Variants in RORA observed in about 807,000 individuals in gnomAD.
RORA encodes RAR related orphan receptor A.
Under a neutral mutation model 69.5 loss-of-function variants are expected in RORA, and 7 were observed. That is an observed-to-expected ratio of 0.10 (90% CI 0.06 to 0.19). The LOEUF (loss-of-function observed/expected upper bound fraction) is 0.19, where lower values mean the gene tolerates loss of function less well. RORA is among the 10% of genes least tolerant of loss of function. The pLI is 1.00. For missense variants in RORA, 457 were observed against 663.0 expected (o/e 0.69, Z 3.41); for synonymous variants, 261 against 240.8 (o/e 1.08, Z -0.78).
intron 1 of RORA, among the ~76,000 whole-genome samples, chr15:61,201,908 C>A (rs1401336207): frequency 6.6e-6 from 1 of 151,570 alleles, no homozygotes; most frequent in Non-Finnish European, 1.5e-5. Context: ...CATAACATTA[C>A]AAGCGAAATC....
chr15:60,936,040 G>GT (rs1228575314), intron 1 of RORA, among the ~76,000 whole-genome samples: 3 of 152,200 alleles, frequency 2.0e-5, no homozygotes, highest in African/African-American at 7.2e-5. Flanking sequence ...CGGCCCTACA[G>GT]TTACTCAGCC....
chr15:60,889,350 CGGGGGGG>C (rs3985706), intron 1 of RORA, among the ~76,000 whole-genome samples: 3 of 136,288 alleles, frequency 2.2e-5, no homozygotes, highest in Non-Finnish European at 3.3e-5. Flanking sequence ...GGGAGTGGGG[CGGGGGGG>C]GGGGGAAGGA....
chr15:60,636,664 T>A (rs551882410), intron 2 of RORA, among the ~76,000 whole-genome samples: 58 of 152,282 alleles, frequency 3.8e-4, no homozygotes, highest in African/African-American at 1.4e-3. Flanking sequence ...AATACATATA[T>A]ACCTGGTAGA....
At chr15:60,576,688 C>T (rs2068036077) in intron 2 of RORA, among the ~76,000 whole-genome samples, 1 of 152,196 alleles carries the variant, frequency 6.6e-6, no homozygotes, top group Non-Finnish European at 1.5e-5. Context: ...GCTATCTGGG[C>T]AGAACTCTTC....
chr15:60,802,008 T>G (rs2072589347), intron 1 of RORA, among the ~76,000 whole-genome samples: 1 of 152,216 alleles, frequency 6.6e-6, no homozygotes, highest in Non-Finnish European at 1.5e-5. Flanking sequence ...GAGAGGGTTG[T>G]GGCTGGCTCC....
At chr15:60,861,243 C>T (rs1240710665) in intron 1 of RORA, among the ~76,000 whole-genome samples, 1 of 152,110 alleles carries the variant, frequency 6.6e-6, no homozygotes, top group East Asian at 1.9e-4. Flanking sequence ...GGAGAGGTGG[C>T]TTAATGTCAA....
intron 2 of RORA, among the ~76,000 whole-genome samples, chr15:60,620,486 A>G (rs2069375486): frequency 6.6e-6 from 1 of 152,240 alleles, no homozygotes; most frequent in African/African-American, 2.4e-5. Context: ...AAATGAAAAT[A>G]AAAATTAAGT....
At chr15:60,817,116 T>C (rs1244649089) in intron 1 of RORA, among the ~76,000 whole-genome samples, 13 of 152,242 alleles carry the variant, frequency 8.5e-5, no homozygotes. Context: ...AGACTTATCA[T>C]TTCTTTGCAG....
chr15:60,580,911 C>T (rs1205566547), intron 2 of RORA, among the ~76,000 whole-genome samples: 2 of 152,188 alleles, frequency 1.3e-5, no homozygotes, highest in African/African-American at 4.8e-5. Context: ...TTCTTTACAG[C>T]GCCTCTTTTA....
At chr15:60,802,957 T>TTA (rs1555454564) in intron 1 of RORA, among the ~76,000 whole-genome samples, 2 of 149,534 alleles carry the variant, frequency 1.3e-5, no homozygotes, top group African/African-American at 4.9e-5. Context: ...GTTTCTTTTT[T>TTA]AAAAAAAAAA....
At chr15:60,833,369 C>A (rs982782288) in intron 1 of RORA, among the ~76,000 whole-genome samples, 2 of 152,104 alleles carry the variant, frequency 1.3e-5, no homozygotes, top group African/African-American at 4.8e-5. Flanking sequence ...GCATGCACCA[C>A]CACGCCTGGC....
At chr15:60,857,456 A>G (rs749745818) in intron 1 of RORA, among the ~76,000 whole-genome samples, 1 of 152,056 alleles carries the variant, frequency 6.6e-6, no homozygotes, top group Non-Finnish European at 1.5e-5. Flanking sequence ...ACACAACACA[A>G]CATGCCAGGC....
intron 2 of RORA, among the ~76,000 whole-genome samples, chr15:60,668,400 A>G (rs911468027): frequency 2.6e-5 from 4 of 152,218 alleles, no homozygotes; most frequent in African/African-American, 9.6e-5. Context: ...GACAACCAGG[A>G]AAAGAGCTGC....
At chr15:60,986,237 C>G (rs8032485) in intron 1 of RORA, among the ~76,000 whole-genome samples, 33,545 of 151,574 alleles carry the variant, frequency 0.22, 3,930 homozygotes, top group African/African-American at 0.28. Flanking sequence ...AGGTTCAAGC[C>G]ATTCTCCTGC....
rs1157967849 is a variant in RORA at position 60,493,981 on chromosome 15, ACACACACT to A, written c.*3466_*3473del. 6.9e-6 allele frequency: 1 copy of A among 145,400 alleles called. No homozygotes were observed. Among genetic ancestry groups the A allele is most frequent in the Non-Finnish European group, 1.5e-5 (1 of 66,122 alleles). 9.0% of individuals were successfully genotyped at this position (145,400 alleles called of 1,614,324 possible). A position where few individuals can be genotyped will look rare whatever the true frequency, so the allele number is the denominator to read the frequency against. The stretch of plus-strand genomic sequence containing the variant: ...CACACACACACACACACACACACAC[ACACACACT>A]CCTTCCTCACCTGACCCTCAGCCCA... On this transcript the variant is annotated 3_prime_UTR_variant, in exon 11 of 11. Coordinates refer to ENST00000335670, the MANE Select transcript of RORA (RefSeq NM_134261.3).
chr15:60,620,684 T>G (rs1002186720), intron 2 of RORA, among the ~76,000 whole-genome samples: 4 of 152,164 alleles, frequency 2.6e-5, no homozygotes, highest in Non-Finnish European at 5.9e-5. Flanking sequence ...AGCAGTAAGC[T>G]CCACACTCCA....
chr15:60,736,660 T>C (rs771802752), intron 1 of RORA: 1 of 152,202 alleles, frequency 6.6e-6, no homozygotes, highest in Non-Finnish European at 1.5e-5. Context: ...ATTATAATGA[T>C]TTATGGGTCT....
At chr15:61,215,352 A>T (rs936322265) in intron 1 of RORA, among the ~76,000 whole-genome samples, 1 of 152,170 alleles carries the variant, frequency 6.6e-6, no homozygotes, top group Admixed American at 6.5e-5. Context: ...CTTCCTTAGG[A>T]GATAAATGAC....
intron 1 of RORA, among the ~76,000 whole-genome samples, chr15:60,712,151 T>C (rs969995420): frequency 4.6e-5 from 7 of 152,176 alleles, no homozygotes; most frequent in African/African-American, 1.7e-4. Context: ...GATAATATCA[T>C]TGCATTAATT....
Sources: gnomAD v4.1 joint callset for allele counts (sites outside exome capture counted in the v4.1 genomes callset) on GRCh38, gnomAD v4.1.1 for gene constraint, MANE v1.5 for transcripts, NCBI Gene and HGNC (gene_info 2026-07-23, HGNC 2026-07-21) for gene names.